The following RTTN variants were observed in gnomAD, a reference collection of about 807,000 sequenced individuals.
RTTN encodes rotatin.
RTTN carries 182 observed loss-of-function variants against 269.2 expected under a neutral mutation model. The observed-to-expected ratio is 0.68, with a 90% confidence interval of 0.60 to 0.76. The LOEUF (loss-of-function observed/expected upper bound fraction) is 0.76, where lower values mean the gene tolerates loss of function less well. RTTN is among the 30% of genes least tolerant of loss of function. The probability of loss-of-function intolerance (pLI) is 0.00; values close to 1 mark genes in which losing one functional copy is unlikely to be tolerated. For missense variants in RTTN, 2,545 were observed against 2,608.6 expected, an observed-to-expected ratio of 0.98 and a Z score of 0.53; for synonymous variants, 1,006 against 963.5, an observed-to-expected ratio of 1.04 and a Z score of -0.82.
At chr18:70,047,141 CACAG>C (rs2057513955) in intron 40 of RTTN, among the ~76,000 whole-genome samples, 1 of 152,198 alleles carries the variant, frequency 6.6e-6, no homozygotes, top group Non-Finnish European at 1.5e-5. Flanking sequence ...CAAACCAGCA[CACAG>C]ACAATCTTCT....
rs1028127771 is a variant in RTTN, at chr18:70,205,408, A to G, written c.32-93T>C. 4 of 1,529,114 alleles carry G rather than the reference A, an allele frequency of 2.6e-6. No individual in the cohort carries two copies. The East Asian group carries it at 6.8e-5, about 26-fold the overall frequency. 94.7% of individuals were successfully genotyped at this position (1,529,114 alleles called of 1,614,324 possible). A position where few individuals can be genotyped will look rare whatever the true frequency, so the allele number is the denominator to read the frequency against. ...GGCAGGAGCGGCGTGAAGACGGAATAAACCAGTTTTTTTCAGAAGCAGGCC... is the reference window on the plus strand; with the variant it reads ...GGCAGGAGCGGCGTGAAGACGGAATGAACCAGTTTTTTTCAGAAGCAGGCC... On this transcript the variant is annotated intron_variant, in intron 1 of 48. Coordinates refer to ENST00000640769, the MANE Select transcript of RTTN (RefSeq NM_173630.4).
At chr18:70,020,090 C>T (rs534731799) in intron 45 of RTTN, among the ~76,000 whole-genome samples, 1 of 152,230 alleles carries the variant, frequency 6.6e-6, no homozygotes, top group Admixed American at 6.5e-5. Context: ...CTCATTACAT[C>T]CCTTTTAAAT....
intron 47 of RTTN, 116 bp downstream of exon 47, chr18:70,006,265 T>C (rs1407173375): frequency 5.9e-6 from 4 of 675,288 alleles, no homozygotes; most frequent in Admixed American, 5.3e-5. Context: ...ATCTTTGATT[T>C]TGTCTTTTTT....
intron 32 of RTTN, among the ~76,000 whole-genome samples, chr18:70,079,904 G>C (rs2058518971): frequency 6.6e-6 from 1 of 151,932 alleles, no homozygotes; most frequent in South Asian, 2.1e-4. Flanking sequence ...TAGAAGCAAA[G>C]TAAGAATAAC....
chr18:70,176,512 C>T (rs112273749), intron 11 of RTTN, among the ~76,000 whole-genome samples, 163 bp downstream of exon 11: 120 of 152,262 alleles, frequency 7.9e-4, no homozygotes, highest in African/African-American at 2.5e-3. Context: ...AAATGTTAGC[C>T]ATTTCTCAAT....
At chr18:70,199,304 T>TA (rs1291463851) in intron 5 of RTTN, 110 bp downstream of exon 5, 9 of 641,280 alleles carry the variant, frequency 1.4e-5, no homozygotes, top group Non-Finnish European at 2.4e-5. Context: ...TGACCATTAC[T>TA]ACCTTTCACT....
intron 46 of RTTN, among the ~76,000 whole-genome samples, chr18:70,012,872 GA>G (rs200242677): frequency 0.012 from 1,871 of 152,288 alleles, 22 homozygotes; most frequent in South Asian, 0.037. Flanking sequence ...TTCGTTGTGT[GA>G]AAGATTCCAG....
At chr18:70,092,957 G>A (rs1044715518) in intron 28 of RTTN, among the ~76,000 whole-genome samples, 153 bp from the exon 29 acceptor site, 1 of 152,044 alleles carries the variant, frequency 6.6e-6, no homozygotes, top group Non-Finnish European at 1.5e-5. Context: ...GAATAAGATG[G>A]TAAATTTTAT....
At chr18:70,099,713 G>T (rs1014511551) in intron 28 of RTTN, among the ~76,000 whole-genome samples, 3 of 152,030 alleles carry the variant, frequency 2.0e-5, no homozygotes, top group African/African-American at 7.2e-5. Flanking sequence ...TATGGTTTTA[G>T]GTCTAACATT....
chr18:70,141,696 C>A (rs2060261224), intron 19 of RTTN, among the ~76,000 whole-genome samples: 1 of 152,036 alleles, frequency 6.6e-6, no homozygotes, highest in Non-Finnish European at 1.5e-5. Flanking sequence ...GTGCAGCAAA[C>A]CAACATGGCA....
At chr18:70,190,277 T>A in intron 9 of RTTN, among the ~76,000 whole-genome samples, 2 of 149,040 alleles carry the variant, frequency 1.3e-5, no homozygotes. Flanking sequence ...TAGATAAAAA[T>A]TCTAAAAAAA....
chr18:70,004,377 C>T (rs2056115640), intron 48 of RTTN, 141 bp from the exon 49 acceptor site: 1 of 478,788 alleles, frequency 2.1e-6, no homozygotes, highest in African/African-American at 2.0e-5. Flanking sequence ...AATAGCATTC[C>T]AGAATATTTT....
At chr18:70,029,163 C>CAAAAAA (rs35814962) in intron 42 of RTTN, among the ~76,000 whole-genome samples, 1 of 112,792 alleles carries the variant, frequency 8.9e-6, no homozygotes, top group Non-Finnish European at 1.8e-5. Flanking sequence ...GGAAAAGAGG[C>CAAAAAA]AAAAAAAAAA....
intron 40 of RTTN, among the ~76,000 whole-genome samples, chr18:70,037,019 G>A (rs1014142813): frequency 6.6e-6 from 1 of 152,240 alleles, no homozygotes; most frequent in Non-Finnish European, 1.5e-5. Context: ...ACTGAATTCA[G>A]TGCTGCTCTG....
intron 10 of RTTN, among the ~76,000 whole-genome samples, chr18:70,185,145 T>C (rs551836223): frequency 5.9e-5 from 9 of 151,816 alleles, no homozygotes; most frequent in African/African-American, 1.7e-4. Context: ...AATAATTGTA[T>C]ACCCATAAAA....
chr18:70,047,572 A>C (rs1289842186), intron 40 of RTTN, among the ~76,000 whole-genome samples: 2 of 152,192 alleles, frequency 1.3e-5, no homozygotes, highest in Non-Finnish European at 2.9e-5. Context: ...TCTGTGGTCC[A>C]TTTCTAGAAA....
At chr18:70,159,220 G>A (rs2060763009) in intron 14 of RTTN, among the ~76,000 whole-genome samples, 1 of 151,982 alleles carries the variant, frequency 6.6e-6, no homozygotes, top group South Asian at 2.1e-4. Flanking sequence ...CAAGAAAACC[G>A]AAATCATACC....
chr18:70,109,530 T>A lies in RTTN; in HGVS notation c.3871A>T (p.Ile1291Phe), dbSNP rs374263213. 4.8e-5 allele frequency: 78 copies of A among 1,614,022 alleles called. No individual in the cohort carries two copies. The highest frequency in any genetic ancestry group is 6.2e-5 in the Non-Finnish European group (73 of 1,179,968). ...AGACCTGACAAGTACTTCACACAGATATCTAGAGGCTTTGTGAGAGGAGAG... is the reference window on the plus strand; with the variant it reads ...AGACCTGACAAGTACTTCACACAGAAATCTAGAGGCTTTGTGAGAGGAGAG... ...SHSPLTKPLD[I>F]CVKYLSGLLE... is the part of the protein sequence containing the mutation. Residue 1291 changes from isoleucine (I) to phenylalanine (F), a missense_variant, in exon 28 of 49, where the codon ATC (isoleucine) becomes TTC (phenylalanine). Coordinates refer to ENST00000640769, the MANE Select transcript of RTTN (RefSeq NM_173630.4).
rs546471271 is a variant in RTTN at position 70,159,615 on chromosome 18, T to G, written c.1929+6447A>C. ...CTGAATGAAACTGAGACACAAAAAT[T>G]CACACAAAAGATCGACAAAACCAAA... On this transcript the variant is annotated intron_variant, in intron 14 of 48. Transcript: ENST00000640769. Among the ~76,000 whole-genome samples, 3 of 151,794 alleles carry G rather than the reference T, an allele frequency of 2.0e-5. No individual in the cohort carries two copies. The South Asian group carries it at 6.2e-4, about 32-fold the overall frequency.
Sources: allele counts gnomAD v4.1 joint callset (sites outside exome capture counted in the v4.1 genomes callset), GRCh38; gene constraint gnomAD v4.1.1; transcripts MANE v1.5; gene names NCBI Gene and HGNC (gene_info 2026-07-23, HGNC 2026-07-21).